RANBP2: variants seen among roughly 807,000 people sequenced by gnomAD.
RANBP2 encodes the protein RAN binding protein 2, also known as E3 SUMO-protein ligase RanBP2.
RANBP2 carries 57 observed loss-of-function variants against 303.6 expected under a neutral mutation model. The observed-to-expected ratio is 0.19, with a 90% CI of 0.15 to 0.23. RANBP2 has a LOEUF of 0.23. Among genes scored for constraint, RANBP2 ranks in the 10% least tolerant of loss-of-function variants. The pLI, the probability that RANBP2 is intolerant of heterozygous loss-of-function variation, is 1.00. For missense variants in RANBP2, 3,138 were observed against 3,780.8 expected, an observed-to-expected ratio of 0.83 and a Z score of 4.46; for synonymous variants, 1,167 against 1,301.5, an observed-to-expected ratio of 0.90 and a Z score of 2.23.
the RANBP2 span, among the ~76,000 whole-genome samples, chr2:109,452,029 A>G: frequency 6.6e-6 from 1 of 152,248 alleles, no homozygotes; most frequent in African/African-American, 2.4e-5. Flanking sequence ...CCCACCTCTC[A>G]TAAACAACAA....
chr2:109,167,339 T>A, the RANBP2 span, among the ~76,000 whole-genome samples: 1 of 152,154 alleles, frequency 6.6e-6, no homozygotes, highest in Non-Finnish European at 1.5e-5. Flanking sequence ...CACTTGCAGG[T>A]GGAACATGAA....
At chr2:108,738,866 G>A (rs940969358) in intron 6 of RANBP2, among the ~76,000 whole-genome samples, 5 of 151,312 alleles carry the variant, frequency 3.3e-5, no homozygotes, top group Admixed American at 6.6e-5. Flanking sequence ...CTGACCTCAG[G>A]TGATCCACCC....
chr2:108,776,847 T>TTTAATATA (rs1677925697), intron 24 of RANBP2, among the ~76,000 whole-genome samples: 1 of 152,172 alleles, frequency 6.6e-6, no homozygotes. Context: ...GAAACTGTAG[T>TTTAATATA]TTAATATCTG....
chr2:108,861,777 G>T, the RANBP2 span, among the ~76,000 whole-genome samples: 1 of 150,474 alleles, frequency 6.6e-6, no homozygotes, highest in Non-Finnish European at 1.5e-5. Context: ...CACCGCGCCC[G>T]GCCTAAACCT....
the RANBP2 span, chr2:109,568,090 C>A: frequency 1.3e-6 from 1 of 795,784 alleles, no homozygotes; most frequent in South Asian, 2.0e-5. Flanking sequence ...AAACCTAGAT[C>A]GGGGGGCTGG....
chr2:109,466,520 T>G, the RANBP2 span, among the ~76,000 whole-genome samples: 1 of 152,228 alleles, frequency 6.6e-6, no homozygotes, highest in Non-Finnish European at 1.5e-5. Flanking sequence ...TGTCTCTCAG[T>G]CTGTGACTTG....
At chr2:108,773,840 G>A (rs1314307197) in intron 23 of RANBP2, among the ~76,000 whole-genome samples, 1 of 152,106 alleles carries the variant, frequency 6.6e-6, no homozygotes, top group Non-Finnish European at 1.5e-5. Flanking sequence ...GTAGAGACAG[G>A]GTTTCACCAT....
the RANBP2 span, among the ~76,000 whole-genome samples, chr2:108,869,774 AC>A: frequency 6.6e-6 from 1 of 152,084 alleles, no homozygotes; most frequent in Non-Finnish European, 1.5e-5. Context: ...CACTCCCTAC[AC>A]CGTTCCCAAG....
chr2:109,658,408 G>A, the RANBP2 span, among the ~76,000 whole-genome samples: 4 of 151,598 alleles, frequency 2.6e-5, no homozygotes, highest in African/African-American at 7.3e-5. Flanking sequence ...ATCATGCCAC[G>A]GCACTCCAGC....
the RANBP2 span, among the ~76,000 whole-genome samples, chr2:108,919,822 C>T: frequency 6.6e-6 from 1 of 152,236 alleles, no homozygotes; most frequent in Non-Finnish European, 1.5e-5. Context: ...CATGGGGAGC[C>T]CTTCTGCCCA....
chr2:109,352,557 C>G, the RANBP2 span, among the ~76,000 whole-genome samples: 2 of 152,256 alleles, frequency 1.3e-5, no homozygotes, highest in South Asian at 4.1e-4. Context: ...GAAACTTTAG[C>G]TTTACCTCTT....
At chr2:108,786,712 T>A, downstream of RANBP2, 2 of 1,022,898 alleles carry the variant, frequency 2.0e-6, no homozygotes, top group South Asian at 2.8e-5. Flanking sequence ...CCTGCCGCCG[T>A]GCGTGCCTCG....
the RANBP2 span, among the ~76,000 whole-genome samples, chr2:108,843,863 TGTGTGTGTGTGTG>T: frequency 3.6e-5 from 5 of 140,680 alleles, no homozygotes; most frequent in East Asian, 4.2e-4. Flanking sequence ...TGTGTGTGTG[TGTGTGTGTGTGTG>T]TGTTTCTTTC....
chr2:108,891,735 T>C, the RANBP2 span, among the ~76,000 whole-genome samples: 2,429 of 152,224 alleles, frequency 0.016, 70 homozygotes, highest in African/African-American at 0.057. Context: ...TGGCATAGCA[T>C]GAGCAATGGC....
the RANBP2 span, among the ~76,000 whole-genome samples, chr2:109,167,203 TA>T: frequency 6.6e-6 from 1 of 152,236 alleles, no homozygotes; most frequent in African/African-American, 2.4e-5. Flanking sequence ...GCCATATTTT[TA>T]AAAAGGATGA....
At chr2:109,605,618 AAT>A in the RANBP2 span, 1 of 152,242 alleles carries the variant, frequency 6.6e-6, no homozygotes, top group Non-Finnish European at 1.5e-5. Flanking sequence ...TAAGCTAAAT[AAT>A]ATCTGTATAA....
the RANBP2 span, among the ~76,000 whole-genome samples, chr2:109,437,392 G>A: frequency 6.6e-6 from 1 of 151,600 alleles, no homozygotes; most frequent in African/African-American, 2.4e-5. Context: ...GTGAACGTCT[G>A]ATCTCCAGGA....
chr2:108,979,308 T>C, the RANBP2 span, among the ~76,000 whole-genome samples: 1 of 152,154 alleles, frequency 6.6e-6, no homozygotes, highest in South Asian at 2.1e-4. Context: ...GCCTCTTCCA[T>C]TTGGCGAACC....
the RANBP2 span, among the ~76,000 whole-genome samples, chr2:108,971,235 T>G: frequency 6.6e-6 from 1 of 152,166 alleles, no homozygotes; most frequent in Non-Finnish European, 1.5e-5. Flanking sequence ...TTTTTATATC[T>G]TTATATTTCT....
Sources: allele counts gnomAD v4.1 joint callset (sites outside exome capture counted in the v4.1 genomes callset), GRCh38; gene constraint gnomAD v4.1.1; transcripts MANE v1.5; gene names NCBI Gene and HGNC (gene_info 2026-07-23, HGNC 2026-07-21).